Variants in FILIP1 observed in about 807,000 individuals in gnomAD.
FILIP1 encodes filamin A interacting protein 1, also known as filamin-A-interacting protein 1.
A neutral mutation model predicts 102.1 loss-of-function variants in FILIP1; 61 were observed. The observed-to-expected ratio is 0.60, with a 90% CI of 0.49 to 0.74. FILIP1 has a LOEUF of 0.74. FILIP1 is among the 30% of genes least tolerant of loss of function. The probability of loss-of-function intolerance (pLI) is 0.00; values close to 1 mark genes in which losing one functional copy is unlikely to be tolerated. For missense variants in FILIP1, 1,314 were observed against 1,441.2 expected (o/e 0.91, Z 1.43); for synonymous variants, 491 against 526.9 (o/e 0.93, Z 0.93).
In FILIP1 at chr6:75,316,056, A is replaced by T. The variant is rs189966769; in HGVS notation, c.630-854T>A. 5.0e-4 allele frequency among the ~76,000 whole-genome samples: 76 copies of T among 152,340 alleles called. 1 individual carries two copies. The highest frequency in any genetic ancestry group is 1.8e-3 in the African/African-American group (75 of 41,580). The stretch of plus-strand genomic sequence containing the variant: ...AGAACTAGATAGCAAGAAAATCTGT[A>T]TATCAATACAAAAATGTGGCAGCCA... On this transcript the variant is annotated intron_variant, in intron 4 of 5. Transcript: ENST00000237172.
intron 4 of FILIP1, among the ~76,000 whole-genome samples, chr6:75,326,564 T>C (rs1480529008): frequency 1.3e-5 from 2 of 152,194 alleles, no homozygotes; most frequent in African/African-American, 4.8e-5. Context: ...TAATACCTAA[T>C]TTTGACAACA....
At chr6:75,348,685 G>A (rs1774679471) in intron 4 of FILIP1, among the ~76,000 whole-genome samples, 1 of 152,190 alleles carries the variant, frequency 6.6e-6, no homozygotes, top group African/African-American at 2.4e-5. Flanking sequence ...TAATTTGGAG[G>A]AGGGCTTTAT....
intron 3 of FILIP1, chr6:75,357,297 A>G (rs1396115723): frequency 6.6e-6 from 1 of 152,292 alleles, no homozygotes; most frequent in African/African-American, 2.4e-5. Context: ...AAATGTAAAG[A>G]GATAGTCATT....
chr6:75,342,373 T>A (rs1774441819), intron 4 of FILIP1, among the ~76,000 whole-genome samples: 1 of 152,254 alleles, frequency 6.6e-6, no homozygotes, highest in Non-Finnish European at 1.5e-5. Flanking sequence ...CAGATTATTT[T>A]ATCCATGGAG....
In FILIP1 at chr6:75,388,803, C is replaced by T. The variant is rs144920871; in HGVS notation, c.277-25886G>A. Among the ~76,000 whole-genome samples, 76 of 152,292 alleles carry T rather than the reference C, an allele frequency of 5.0e-4. 1 individual carries two copies. Among genetic ancestry groups the T allele is most frequent in the African/African-American group, 1.6e-3 (68 of 41,562 alleles). ...GAAATGATGGGGTTTTCTAAATATA[C>T]AATCATGTCATCTGCAGAGATAATT... On this transcript the variant is annotated intron_variant, in intron 2 of 5. Transcript: ENST00000237172.
At chr6:75,379,870 T>C (rs1775853380) in intron 2 of FILIP1, among the ~76,000 whole-genome samples, 2 of 152,236 alleles carry the variant, frequency 1.3e-5, no homozygotes, top group Non-Finnish European at 2.9e-5. Context: ...TCCTAGGGCT[T>C]TTCTTGTCTT....
intron 1 of FILIP1, among the ~76,000 whole-genome samples, chr6:75,450,128 A>G (rs1778576166): frequency 6.6e-6 from 1 of 151,924 alleles, no homozygotes; most frequent in South Asian, 2.1e-4. Context: ...TTTTTTTGGT[A>G]GAGATGGCAG....
chr6:75,320,087 A>G (rs1773597599), intron 4 of FILIP1: 2 of 220,174 alleles, frequency 9.1e-6, no homozygotes, highest in Non-Finnish European at 1.8e-5. Flanking sequence ...GGCTGTCCCA[A>G]CTTATAATTT....
At chr6:75,360,809 C>A (rs1234915201) in intron 3 of FILIP1, 1 of 152,102 alleles carries the variant, frequency 6.6e-6, no homozygotes, top group Admixed American at 6.5e-5. Flanking sequence ...AACATTGCTT[C>A]TAGGAAACAA....
intron 5 of FILIP1, among the ~76,000 whole-genome samples, chr6:75,311,293 G>T (rs1773174676): frequency 6.7e-6 from 1 of 148,506 alleles, no homozygotes; most frequent in African/African-American, 2.5e-5. Flanking sequence ...GGTGATTCCT[G>T]TGCCTCAGCC....
chr6:75,456,570 T>C (rs1189867305), intron 1 of FILIP1, among the ~76,000 whole-genome samples: 2 of 151,600 alleles, frequency 1.3e-5, no homozygotes, highest in South Asian at 2.1e-4. Context: ...CTTTTCTTTT[T>C]TTTTTTTTTG....
chr6:75,308,725 C>G lies in FILIP1; in HGVS notation c.3608G>C (p.Ser1203Thr). 1 of 1,613,510 alleles carries G rather than the reference C, an allele frequency of 6.2e-7. No individual in the cohort carries two copies. Among genetic ancestry groups the G allele is most frequent in the Non-Finnish European group, 8.5e-7 (1 of 1,179,994 alleles). Residue 1203 changes from serine to threonine, a missense_variant, in exon 6 of 6, where the codon AGC becomes ACC. Transcript: ENST00000237172. ...MKIELKKSAA[S>T]STTSLGGGKG ...CCCCCCTCCGAGAGAGGTGGTGCTGCTGGCTGCAGATTTCTTCAGCTCTAT... is the reference window on the plus strand; with the variant it reads ...CCCCCCTCCGAGAGAGGTGGTGCTGGTGGCTGCAGATTTCTTCAGCTCTAT...
Position 75,313,783 on chromosome 6 carries a change from C to A in FILIP1, c.2049G>T (p.Glu683Asp), listed in dbSNP as rs1435891185. Residue 683 changes from glutamate to aspartate, a missense_variant, in exon 5 of 6, where the codon GAG becomes GAT. Glu to Asp is a conservative substitution (Grantham distance 45, BLOSUM62 2). Transcript: ENST00000237172. The surrounding 1 kb of genome is among the most constrained non-coding windows in gnomAD (Gnocchi z 4.2). ...TATTCTTGGCAATTTGGTGCTTGATCTCCTCTAGTTGTTGAGAGAGGAAGT... is the reference window on the plus strand; with the variant it reads ...TATTCTTGGCAATTTGGTGCTTGATATCCTCTAGTTGTTGAGAGAGGAAGT... ...KANFLSQQLE[E>D]IKHQIAKNKA... is the part of the protein sequence containing the mutation. 4 of 1,602,116 alleles carry A rather than the reference C, an allele frequency of 2.5e-6. No individual in the cohort carries two copies. In the South Asian group the frequency reaches 4.5e-5, roughly 18 times the overall value.
At chr6:75,398,600 GAGAGA>G (rs1776544100) in intron 2 of FILIP1, among the ~76,000 whole-genome samples, 1 of 152,104 alleles carries the variant, frequency 6.6e-6, no homozygotes, top group Admixed American at 6.6e-5. Context: ...CTGTTCAGAA[GAGAGA>G]AGAGAATAAA....
chr6:75,420,774 T>C (rs182027942), intron 1 of FILIP1, among the ~76,000 whole-genome samples: 195 of 152,322 alleles, frequency 1.3e-3, no homozygotes, highest in African/African-American at 4.5e-3. Flanking sequence ...CATTTGCTTG[T>C]TCTCTGTATT....
At chr6:75,307,085 G>A (rs373145097), downstream of FILIP1, among the ~76,000 whole-genome samples, 7 of 152,312 alleles carry the variant, frequency 4.6e-5, no homozygotes, top group East Asian at 7.7e-4. Flanking sequence ...TTACAGGCAT[G>A]AGCCACCATG....
intron 4 of FILIP1, among the ~76,000 whole-genome samples, chr6:75,321,952 G>C (rs905844810): frequency 6.6e-6 from 1 of 152,190 alleles, no homozygotes; most frequent in African/African-American, 2.4e-5. Context: ...TGCAGAGAGA[G>C]AAGAGGAGAA....
At chr6:75,384,562 A>G (rs1007362381) in intron 2 of FILIP1, among the ~76,000 whole-genome samples, 14 of 152,172 alleles carry the variant, frequency 9.2e-5, no homozygotes, top group African/African-American at 3.4e-4. Flanking sequence ...GTATGACTTT[A>G]TAATCTAGTA....
chr6:75,381,313 T>C (rs2149641305), intron 2 of FILIP1, among the ~76,000 whole-genome samples: 1 of 152,168 alleles, frequency 6.6e-6, no homozygotes, highest in South Asian at 2.1e-4. Flanking sequence ...CACTGCAATC[T>C]CTGCCTCCCG....
Sources: gnomAD v4.1 joint callset for allele counts (sites outside exome capture counted in the v4.1 genomes callset) on GRCh38, gnomAD v4.1.1 for gene constraint, Gnocchi (gnomAD v3.1) non-coding constraint, MANE v1.5 for transcripts, NCBI Gene and HGNC (gene_info 2026-07-23, HGNC 2026-07-21) for gene names.